Variants in MICU3 observed in about 807,000 individuals in gnomAD.
The protein encoded by MICU3 is calcium uptake protein 3, mitochondrial.
In MICU3, 62 loss-of-function variants were observed where a neutral mutation model predicts 66.5. The ratio of observed to expected loss-of-function variants is 0.93; its 90% confidence interval spans 0.76 to 1.15. The LOEUF (loss-of-function observed/expected upper bound fraction) is 1.15. Among genes scored for constraint, MICU3 ranks in the 50% most tolerant of loss-of-function variants. The pLI, the probability that MICU3 is intolerant of heterozygous loss-of-function variation, is 0.00. For missense variants in MICU3, 779 were observed against 664.4 expected (o/e 1.17, Z -1.90); for synonymous variants, 308 against 240.7 (o/e 1.28, Z -2.59).
At chr8:17,058,454 T>C (rs1446529006) in intron 1 of MICU3, among the ~76,000 whole-genome samples, 1 of 152,210 alleles carries the variant, frequency 6.6e-6, no homozygotes, top group Admixed American at 6.5e-5. Flanking sequence ...TACAAGATCA[T>C]TGTCATTTGT....
intron 5 of MICU3, 68 bp downstream of exon 5, chr8:17,081,808 T>G (rs779545178): frequency 1.0e-4 from 70 of 694,154 alleles, no homozygotes; most frequent in Admixed American, 7.4e-5. Flanking sequence ...GGAAAGCAGA[T>G]CTTAGGTTCT....
At chr8:17,123,098 T>C (rs928891867), downstream of MICU3, among the ~76,000 whole-genome samples, 18 of 152,108 alleles carry the variant, frequency 1.2e-4, no homozygotes, top group African/African-American at 4.3e-4. Context: ...TCAGAAACTG[T>C]AATAAAAATT....
intron 1 of MICU3, among the ~76,000 whole-genome samples, chr8:17,058,529 GATGTTTTTTTTTTCTTGA>G (rs1285316603): frequency 1.3e-5 from 2 of 151,976 alleles, no homozygotes; most frequent in Non-Finnish European, 2.9e-5. Flanking sequence ...CTTTATTATT[GATGTTTTTTTTTTCTTGA>G]ATGTTTATAA....
the MICU3 span, among the ~76,000 whole-genome samples, chr8:17,134,431 T>TGTTG: frequency 6.7e-6 from 1 of 148,618 alleles, no homozygotes; most frequent in African/African-American, 2.5e-5. Context: ...AAAGTCAGCC[T>TGTTG]TTTGTTTGTT....
Position 17,119,538 on chromosome 8 carries a change from T to TAGAC in MICU3, c.*1-747_*1-746insCAGA, listed in dbSNP as rs1330820340. ...GTTTTTCTCAAGCTTGAAGCATAGATAGATAGATAGATAGATAGATAGATA... is the reference window on the plus strand; with the variant it reads ...GTTTTTCTCAAGCTTGAAGCATAGATAGACAGATAGATAGATAGATAGATAGATA... On this transcript the variant is annotated intron_variant, in intron 14 of 14. Coordinates refer to ENST00000318063, the MANE Select transcript of MICU3 (RefSeq NM_181723.3). Among the ~76,000 whole-genome samples, 771 of 134,122 alleles carry TAGAC rather than the reference T, an allele frequency of 5.7e-3. 7 individuals carry two copies. Among genetic ancestry groups the TAGAC allele is most frequent in the African/African-American group, 0.02 (726 of 35,492 alleles). 88.0% of individuals were successfully genotyped at this position (134,122 alleles called of 152,430 possible).
At chr8:17,113,515 C>T (rs1020532594) in intron 11 of MICU3, among the ~76,000 whole-genome samples, 28 of 152,180 alleles carry the variant, frequency 1.8e-4, no homozygotes, top group Admixed American at 3.9e-4. Context: ...TGGAGGCACC[C>T]AGAACTGTAC....
the MICU3 span, chr8:17,131,985 T>A: frequency 2.6e-5 from 4 of 152,276 alleles, no homozygotes; most frequent in Admixed American, 6.5e-5. Flanking sequence ...TTGAATGCCA[T>A]ACAATAATAA....
chr8:17,083,368 C>A (rs547473328), intron 5 of MICU3, among the ~76,000 whole-genome samples: 5 of 152,218 alleles, frequency 3.3e-5, no homozygotes, highest in Admixed American at 2.6e-4. Flanking sequence ...TGCATGACTC[C>A]TAAACCATAA....
intron 11 of MICU3, among the ~76,000 whole-genome samples, chr8:17,111,120 TA>T (rs909636717): frequency 6.6e-6 from 1 of 152,166 alleles, no homozygotes; most frequent in African/African-American, 2.4e-5. Context: ...AGCATCTTTT[TA>T]TATGCTTATT....
intron 1 of MICU3, among the ~76,000 whole-genome samples, chr8:17,061,715 G>T (rs1817852151): frequency 6.6e-6 from 1 of 152,090 alleles, no homozygotes; most frequent in Non-Finnish European, 1.5e-5. Context: ...CAAGAAAAAA[G>T]TAGAAAAGTA....
chr8:17,059,634 A>G (rs1817522555), intron 1 of MICU3, among the ~76,000 whole-genome samples: 1 of 152,208 alleles, frequency 6.6e-6, no homozygotes, highest in South Asian at 2.1e-4. Flanking sequence ...GAAGGAATTT[A>G]ATAAGATAGT....
intron 8 of MICU3, among the ~76,000 whole-genome samples, chr8:17,096,734 T>C (rs2150785551): frequency 6.6e-6 from 1 of 152,002 alleles, no homozygotes; most frequent in East Asian, 1.9e-4. Flanking sequence ...GTAAAACTGT[T>C]ACGTTCTAAA....
chr8:17,086,981 G>A lies in MICU3; in HGVS notation c.795G>A (p.Arg265=). 6.2e-7 allele frequency: 1 copy of A among 1,600,118 alleles called. No homozygotes were observed. The highest frequency in any genetic ancestry group is 2.2e-5 in the East Asian group (1 of 44,500). Residue 265 remains arginine (R), a synonymous_variant, in exon 7 of 15, where the codon AGG becomes AGA. Coordinates refer to ENST00000318063, the MANE Select transcript of MICU3 (RefSeq NM_181723.3). ...TTTGTCAGCTTCAAGAGATATTCAG[G>A]AAAAAAAATGAAAAGAGAGAAATTA... is the stretch of plus-strand genomic sequence containing the variant. The part of the protein sequence containing the change: ...KEFLVLQEIF[R]KKNEKREIKG...
At chr8:17,111,466 C>T (rs1802201495) in intron 11 of MICU3, among the ~76,000 whole-genome samples, 1 of 152,062 alleles carries the variant, frequency 6.6e-6, no homozygotes, top group African/African-American at 2.4e-5. Flanking sequence ...GGAGTACAGT[C>T]CCATGCTACC....
intron 2 of MICU3, among the ~76,000 whole-genome samples, chr8:17,065,480 A>G (rs1818538069): frequency 6.6e-6 from 1 of 152,188 alleles, no homozygotes; most frequent in African/African-American, 2.4e-5. Flanking sequence ...TAGATAACCA[A>G]AGACTAGGCC....
chr8:17,109,577 G>A (rs980906584), intron 11 of MICU3, among the ~76,000 whole-genome samples: 2 of 152,188 alleles, frequency 1.3e-5, no homozygotes, highest in East Asian at 1.9e-4. Context: ...ATTTAGAGCC[G>A]TTTGTAGACT....
the MICU3 span, among the ~76,000 whole-genome samples, chr8:17,129,382 A>T: frequency 6.6e-6 from 1 of 152,234 alleles, no homozygotes; most frequent in African/African-American, 2.4e-5. Flanking sequence ...ACTATTATAA[A>T]CATGTTCAAG....
intron 1 of MICU3, among the ~76,000 whole-genome samples, chr8:17,051,790 G>A (rs914979828): frequency 2.0e-5 from 3 of 152,066 alleles, no homozygotes; most frequent in African/African-American, 7.2e-5. Flanking sequence ...GCTGGAGTAA[G>A]ATCAAAAGAG....
intron 1 of MICU3, among the ~76,000 whole-genome samples, chr8:17,036,583 G>C (rs776330970): frequency 6.6e-6 from 1 of 152,014 alleles, no homozygotes; most frequent in Non-Finnish European, 1.5e-5. Flanking sequence ...ACAGAGTTTC[G>C]ACACACAGGT....
Sources: gnomAD v4.1 joint callset for allele counts (sites outside exome capture counted in the v4.1 genomes callset) on GRCh38, gnomAD v4.1.1 for gene constraint, MANE v1.5 for transcripts, NCBI Gene and HGNC (gene_info 2026-07-23, HGNC 2026-07-21) for gene names.